The following MFSD8 variants were observed in gnomAD, a reference collection of about 807,000 sequenced individuals.
The protein encoded by MFSD8 is major facilitator superfamily domain-containing protein 8.
Under a neutral mutation model 66.4 loss-of-function variants are expected in MFSD8, and 55 were observed. The ratio of observed to expected loss-of-function variants is 0.83; its 90% CI spans 0.67 to 1.04. The LOEUF (loss-of-function observed/expected upper bound fraction) is 1.04, where lower values mean the gene tolerates loss of function less well. MFSD8 is among the 50% of genes least tolerant of loss of function. The pLI, the probability that MFSD8 is intolerant of heterozygous loss-of-function variation, is 0.00. For synonymous variants in MFSD8, 202 were observed against 212.8 expected (o/e 0.95, Z 0.44); for missense variants, 550 against 627.6 (o/e 0.88, Z 1.32).
rs1736050804 is a variant in MFSD8, at chr4:127,918,598, C to T, written c.*2032G>A. ...AGGACTCACTGGTATAGTTAAATTA[C>T]CCTACAATTAGTGATTAATTGAAAC... is the stretch of plus-strand genomic sequence containing the variant. On this transcript the variant is annotated 3_prime_UTR_variant, in exon 12 of 12. Coordinates refer to ENST00000641686, the MANE Select transcript of MFSD8 (RefSeq NM_001371596.2). The T allele has an allele frequency of 6.6e-6, 1 of 152,132 alleles. No homozygotes were observed. The highest frequency in any genetic ancestry group is 1.5e-5 in the Non-Finnish European group (1 of 68,032). The allele number at this position is 152,132 out of a possible 1,614,324, so 9.4% of individuals were successfully genotyped here. A position where few individuals can be genotyped will look rare whatever the true frequency, so the allele number is the denominator to read the frequency against.
In MFSD8 at chr4:127,919,729, G is replaced by A. The variant is rs1216797697; in HGVS notation, c.*901C>T. 2 of 151,988 alleles carry A rather than the reference G, an allele frequency of 1.3e-5. No individual in the cohort carries two copies. The highest frequency in any genetic ancestry group is 4.8e-5 in the African/African-American group (2 of 41,374). The allele number at this position is 151,988 out of a possible 1,614,324, so 9.4% of individuals were successfully genotyped here. On this transcript the variant is annotated 3_prime_UTR_variant, in exon 12 of 12. Transcript: ENST00000641686. ...TTCCTCCCCGCCACTACTGAGAGAT[G>A]GGAAAAATTAAAGTAAATTAATTAA... is the stretch of plus-strand genomic sequence containing the variant.
chr4:127,935,015 A>G (rs1738828815), intron 7 of MFSD8, among the ~76,000 whole-genome samples: 2 of 152,096 alleles, frequency 1.3e-5, no homozygotes, highest in South Asian at 4.1e-4. Flanking sequence ...CTGCTTTTCT[A>G]TCTCAGGATT....
intron 2 of MFSD8, among the ~76,000 whole-genome samples, chr4:127,956,818 CAAAAAAAAAA>C (rs550327079): frequency 1.7e-5 from 1 of 58,070 alleles, no homozygotes; most frequent in African/African-American, 5.7e-5. Context: ...AACTCCGTCT[CAAAAAAAAAA>C]AAAAAAAAAG....
Position 127,930,779 on chromosome 4 carries a change from G to T in MFSD8, c.902C>A (p.Thr301Asn), listed in dbSNP as rs1737986485. Residue 301 changes from threonine to asparagine, a missense_variant, in exon 9 of 12, where the codon ACT becomes AAT. By Grantham distance (65) the Thr-to-Asn change is moderately conservative. Transcript: ENST00000641686. ...TPLTMDMYAW[T>N]QEQAVLYNGI... ...ATTATATAACACAGCTTGTTCTTGA[G>T]TCCAGGCATACATATCCATTGTTAA... 6.2e-7 allele frequency: 1 copy of T among 1,612,446 alleles called. No homozygotes were observed. The highest frequency in any genetic ancestry group is 1.7e-5 in the Admixed American group (1 of 59,920).
At chr4:127,934,604 G>A (rs867487176) in intron 7 of MFSD8, 2 of 146,968 alleles carry the variant, frequency 1.4e-5, no homozygotes, top group Middle Eastern at 7.1e-3. Flanking sequence ...CGGGGGGGAC[G>A]GAGTCTTGCT....
Position 127,962,938 on chromosome 4 carries a change from GTAAAAA to G in MFSD8, c.62+2128_62+2133del, listed in dbSNP as rs1744044898. On this transcript the variant is annotated intron_variant, in intron 1 of 11. Transcript: ENST00000641686. ...GTTGGTGCTTAAGGGGAACAAATGA[GTAAAAA>G]TTATTATGGTCATAGACAGCTGAAG... Among the ~76,000 whole-genome samples, 5 of 152,238 alleles carry G rather than the reference GTAAAAA, an allele frequency of 3.3e-5. 1 individual carries two copies. The highest frequency in any genetic ancestry group is 7.2e-5 in the African/African-American group (3 of 41,548).
chr4:127,924,293 G>A (rs1209520502), intron 9 of MFSD8, among the ~76,000 whole-genome samples: 1 of 152,142 alleles, frequency 6.6e-6, no homozygotes, highest in African/African-American at 2.4e-5. Flanking sequence ...GGTGTTTATA[G>A]TATTAGAGAA....
At chr4:127,964,910 T>A (rs561341620) in intron 1 of MFSD8, 162 bp downstream of exon 1, 8 of 825,030 alleles carry the variant, frequency 9.7e-6, no homozygotes, top group Non-Finnish European at 1.6e-5. Flanking sequence ...TTCTCCTACG[T>A]TGGGAGCGAA....
Position 127,921,975 on chromosome 4 carries a change from C to T in MFSD8, c.999-12G>A, listed in dbSNP as rs766315917. On this transcript the variant is annotated splice_polypyrimidine_tract_variant and intron_variant, in intron 9 of 11. Coordinates refer to ENST00000641686, the MANE Select transcript of MFSD8 (RefSeq NM_001371596.2). ...CACGCTCGCCAATCCTGTTAAAGAA[C>T]AGAAACTCTGTAATTTTAAAATGAA... is the stretch of plus-strand genomic sequence containing the variant. 2.9e-5 allele frequency: 46 copies of T among 1,606,358 alleles called. No homozygotes were observed. The highest frequency in any genetic ancestry group is 3.7e-5 in the Non-Finnish European group (43 of 1,173,416).
At chr4:127,957,909 A>T (rs767506740) in intron 1 of MFSD8, among the ~76,000 whole-genome samples, 115 of 152,208 alleles carry the variant, frequency 7.6e-4, no homozygotes, top group Non-Finnish European at 1.5e-3. Context: ...TGTAAAAATG[A>T]ATAAATTACG....
chr4:127,958,629 T>G (rs1207539136), intron 1 of MFSD8, among the ~76,000 whole-genome samples: 2 of 151,334 alleles, frequency 1.3e-5, no homozygotes, highest in East Asian at 3.9e-4. Flanking sequence ...TCAAAGGAGA[T>G]AAGAAAAAAA....
At chr4:127,955,893 C>G (rs929345695) in intron 2 of MFSD8, among the ~76,000 whole-genome samples, 1 of 151,910 alleles carries the variant, frequency 6.6e-6, no homozygotes, top group African/African-American at 2.4e-5. Context: ...CTGAGGCGGG[C>G]AGATCATGAG....
chr4:127,943,458 G>A (rs948809959), intron 4 of MFSD8: 7 of 323,972 alleles, frequency 2.2e-5, no homozygotes, highest in Non-Finnish European at 4.1e-5. Context: ...GGGCTCAAGA[G>A]ATTCTGCTAC....
chr4:127,939,521 C>T (rs1308780040), intron 6 of MFSD8: 1 of 184,058 alleles, frequency 5.4e-6, no homozygotes, highest in African/African-American at 2.5e-5. Flanking sequence ...TATGAGAATC[C>T]TTGAATCCGG....
chr4:127,956,454 C>A (rs1186104052), intron 2 of MFSD8, among the ~76,000 whole-genome samples: 1 of 150,174 alleles, frequency 6.7e-6, no homozygotes, highest in East Asian at 2.0e-4. Flanking sequence ...GAGCCGAGAT[C>A]GCGCCACTGC....
intron 1 of MFSD8, among the ~76,000 whole-genome samples, chr4:127,961,702 G>A (rs965253331): frequency 5.3e-5 from 8 of 151,440 alleles, no homozygotes; most frequent in Non-Finnish European, 1.2e-4. Flanking sequence ...TGTAGTCCCA[G>A]CTACTCTACT....
chr4:127,932,154 T>C (rs1189838282), intron 8 of MFSD8, among the ~76,000 whole-genome samples: 1 of 152,178 alleles, frequency 6.6e-6, no homozygotes, highest in East Asian at 1.9e-4. Context: ...TTATGTTATG[T>C]ATATTTTCCC....
intron 3 of MFSD8, among the ~76,000 whole-genome samples, chr4:127,944,590 C>T (rs1372862770): frequency 6.6e-6 from 1 of 152,064 alleles, no homozygotes; most frequent in Non-Finnish European, 1.5e-5. Context: ...CAAATGACTA[C>T]AACTCAGAAA....
chr4:127,934,421 G>T (rs1021127118), intron 7 of MFSD8: 4 of 152,018 alleles, frequency 2.6e-5, no homozygotes, highest in African/African-American at 9.6e-5. Context: ...ACGCCTTAAG[G>T]TTAATACACA....
Sources: allele counts gnomAD v4.1 joint callset (sites outside exome capture counted in the v4.1 genomes callset), GRCh38; gene constraint gnomAD v4.1.1; transcripts MANE v1.5; gene names NCBI Gene and HGNC (gene_info 2026-07-23, HGNC 2026-07-21).